Variants in CTNNA3 observed in about 807,000 individuals in gnomAD.
The protein encoded by CTNNA3 is catenin alpha 3.
In CTNNA3, 76 loss-of-function variants were observed where a neutral mutation model predicts 95.7. The ratio of observed to expected loss-of-function variants is 0.79; its 90% CI spans 0.66 to 0.96. CTNNA3 has a LOEUF of 0.96. Among genes scored for constraint, CTNNA3 ranks in the 40% least tolerant of loss-of-function variants. The probability of loss-of-function intolerance (pLI) is 0.00; values close to 1 mark genes in which losing one functional copy is unlikely to be tolerated. For missense variants in CTNNA3, 1,191 were observed against 1,089.8 expected (o/e 1.09, Z -1.31); for synonymous variants, 431 against 374.4 (o/e 1.15, Z -1.74).
intron 5 of CTNNA3, among the ~76,000 whole-genome samples, chr10:67,392,262 T>A (rs942054345): frequency 6.6e-6 from 1 of 152,078 alleles, no homozygotes; most frequent in Non-Finnish European, 1.5e-5. Flanking sequence ...AACAGACACT[T>A]CTCAAAAGAA....
chr10:67,038,134 T>C (rs1000590932), intron 7 of CTNNA3, among the ~76,000 whole-genome samples: 5 of 152,266 alleles, frequency 3.3e-5, no homozygotes, highest in Middle Eastern at 3.4e-3. Context: ...AGAGCAAGCA[T>C]TTCAGAGCAA....
intron 12 of CTNNA3, among the ~76,000 whole-genome samples, chr10:66,346,234 TATATATATATATAG>T (rs1485186748): frequency 1.1e-3 from 51 of 46,154 alleles, no homozygotes; most frequent in South Asian, 7.7e-3. Flanking sequence ...TATATATATA[TATATATATATATAG>T]AGAGAGAGAG....
intron 3 of CTNNA3, among the ~76,000 whole-genome samples, chr10:67,586,505 GT>G (rs1279346800): frequency 6.6e-6 from 1 of 152,052 alleles, no homozygotes; most frequent in African/African-American, 2.4e-5. Flanking sequence ...TTGGATGCAT[GT>G]ATTTAGAATT....
intron 16 of CTNNA3, among the ~76,000 whole-genome samples, chr10:65,971,012 C>G (rs761694435): frequency 8.7e-5 from 13 of 149,488 alleles, no homozygotes; most frequent in Non-Finnish European, 1.8e-4. Context: ...AATAAATTAG[C>G]TAGTCTCAGT....
chr10:66,064,502 G>A (rs1036918898), intron 15 of CTNNA3, among the ~76,000 whole-genome samples: 2 of 151,996 alleles, frequency 1.3e-5, no homozygotes, highest in Non-Finnish European at 2.9e-5. Flanking sequence ...AGTTTAATAG[G>A]TCACACACTT....
chr10:66,530,449 CTTTCTACGTAGTT>C (rs1359511652), intron 10 of CTNNA3, among the ~76,000 whole-genome samples: 3 of 152,156 alleles, frequency 2.0e-5, no homozygotes, highest in African/African-American at 7.2e-5. Flanking sequence ...ATATTTCTCA[CTTTCTACGTAGTT>C]TTTCCACATT....
intron 9 of CTNNA3, among the ~76,000 whole-genome samples, chr10:66,659,875 T>G (rs1846200321): frequency 6.6e-6 from 1 of 152,208 alleles, no homozygotes; most frequent in South Asian, 2.1e-4. Context: ...TTTATGGTAT[T>G]GTTTTATAGC....
chr10:67,275,520 G>A (rs1015426450), intron 5 of CTNNA3, among the ~76,000 whole-genome samples: 19 of 151,904 alleles, frequency 1.3e-4, no homozygotes, highest in African/African-American at 3.6e-4. Context: ...TGTGCTAAGC[G>A]TATAAAAAAC....
chr10:67,277,966 C>T (rs1839252208), intron 5 of CTNNA3, among the ~76,000 whole-genome samples: 1 of 152,074 alleles, frequency 6.6e-6, no homozygotes, highest in Non-Finnish European at 1.5e-5. Flanking sequence ...TAGAGCAGTC[C>T]AAGATGCTGC....
chr10:66,288,657 C>T (rs1309564430), intron 12 of CTNNA3, among the ~76,000 whole-genome samples: 1 of 151,858 alleles, frequency 6.6e-6, no homozygotes, highest in Non-Finnish European at 1.5e-5. Context: ...GTAGATATAG[C>T]TCAGTTCTAT....
chr10:66,190,264 G>A (rs2086597984), intron 13 of CTNNA3, among the ~76,000 whole-genome samples: 1 of 152,166 alleles, frequency 6.6e-6, no homozygotes. Flanking sequence ...AATACAATGA[G>A]ATGACAAGGT....
intron 17 of CTNNA3, among the ~76,000 whole-genome samples, chr10:65,932,300 G>A (rs762817678): frequency 3.3e-5 from 5 of 152,138 alleles, no homozygotes; most frequent in Non-Finnish European, 5.9e-5. Flanking sequence ...TACTATGATT[G>A]TCAAGGTTTT....
chr10:67,056,699 G>T (rs1468690612), intron 7 of CTNNA3, among the ~76,000 whole-genome samples: 1 of 152,118 alleles, frequency 6.6e-6, no homozygotes, highest in Non-Finnish European at 1.5e-5. Flanking sequence ...ACATTATACA[G>T]TAACTTTCAA....
At chr10:66,499,278 T>C (rs928340553) in intron 11 of CTNNA3, among the ~76,000 whole-genome samples, 1 of 152,192 alleles carries the variant, frequency 6.6e-6, no homozygotes, top group Non-Finnish European at 1.5e-5. Flanking sequence ...ATTATCCAGC[T>C]GTGTTTGCAT....
intron 12 of CTNNA3, among the ~76,000 whole-genome samples, chr10:66,322,062 A>G (rs537493680): frequency 6.6e-5 from 10 of 152,258 alleles, no homozygotes; most frequent in African/African-American, 2.2e-4. Flanking sequence ...CTGCTGGTAG[A>G]TAGGGCCCAG....
In CTNNA3 at chr10:67,540,135, TA is replaced by T. The variant is rs1840627933; in HGVS notation, c.293-467del. On this transcript the variant is annotated intron_variant, in intron 3 of 17. Coordinates refer to ENST00000433211, the MANE Select transcript of CTNNA3 (RefSeq NM_013266.4). Reference sequence around the variant, plus strand: ...TAAACTATCAATATAATGAATAAACTATATCCTAAATTTAGTCACAGAAATA... The same window carrying T: ...TAAACTATCAATATAATGAATAAACTTATCCTAAATTTAGTCACAGAAATA... 3.3e-5 allele frequency among the ~76,000 whole-genome samples: 5 copies of T among 152,166 alleles called. No individual in the cohort carries two copies. The South Asian group carries it at 1.0e-3, about 32-fold the overall frequency.
At chr10:67,388,453 TG>T (rs1844295430) in intron 5 of CTNNA3, among the ~76,000 whole-genome samples, 1 of 121,350 alleles carries the variant, frequency 8.2e-6, no homozygotes, top group Non-Finnish European at 1.7e-5. Context: ...CTGAAAGTGA[TG>T]GGGAGAATGG....
intron 2 of CTNNA3, among the ~76,000 whole-genome samples, chr10:67,636,884 C>T (rs916435033): frequency 6.6e-6 from 1 of 152,028 alleles, no homozygotes; most frequent in Admixed American, 6.6e-5. Flanking sequence ...CATCAAAGAC[C>T]AAAGGTAGAT....
chr10:66,113,117 T>A (rs564533054), intron 13 of CTNNA3, among the ~76,000 whole-genome samples: 1 of 152,280 alleles, frequency 6.6e-6, no homozygotes, highest in African/African-American at 2.4e-5. Context: ...TTTCTTCATA[T>A]ACTCACCAAC....
Sources: gnomAD v4.1 joint callset for allele counts (sites outside exome capture counted in the v4.1 genomes callset) on GRCh38, gnomAD v4.1.1 for gene constraint, MANE v1.5 for transcripts, NCBI Gene and HGNC (gene_info 2026-07-23, HGNC 2026-07-21) for gene names.